MBNL1: variants seen among roughly 807,000 people sequenced by gnomAD.
MBNL1 encodes muscleblind like splicing regulator 1.
MBNL1 carries 8 observed loss-of-function variants against 42.2 expected under a neutral mutation model. The ratio of observed to expected loss-of-function variants is 0.19; its 90% CI spans 0.11 to 0.34. MBNL1 has a LOEUF of 0.34. Among genes scored for constraint, MBNL1 ranks in the 10% least tolerant of loss-of-function variants. The pLI is 1.00. For missense variants in MBNL1, 309 were observed against 495.3 expected (o/e 0.62, Z 3.57); for synonymous variants, 169 against 173.9 (o/e 0.97, Z 0.22).
In MBNL1 at chr3:152,444,562, G is replaced by C. The variant is rs572261609; in HGVS notation, c.550-720G>C. 2.0e-5 allele frequency among the ~76,000 whole-genome samples: 3 copies of C among 152,276 alleles called. No homozygotes were observed. The East Asian group carries it at 5.8e-4, about 29-fold the overall frequency. Reference sequence around the variant, plus strand: ...TGCAAAAATGGACCCAAGAGTTTCTGTCTACGCTTTACTGATCTAAATATT... The same window carrying C: ...TGCAAAAATGGACCCAAGAGTTTCTCTCTACGCTTTACTGATCTAAATATT... On this transcript the variant is annotated intron_variant, in intron 4 of 9. Transcript: ENST00000324210.
At chr3:152,244,892 C>T (rs1342513645) in intron 2 of MBNL1, among the ~76,000 whole-genome samples, 1 of 151,584 alleles carries the variant, frequency 6.6e-6, no homozygotes, top group Non-Finnish European at 1.5e-5. Context: ...TTTGTTTTTA[C>T]CCACCGTGAA....
intron 2 of MBNL1, among the ~76,000 whole-genome samples, chr3:152,248,479 C>T (rs1173560132): frequency 6.6e-6 from 1 of 151,852 alleles, no homozygotes; most frequent in Non-Finnish European, 1.5e-5. Flanking sequence ...AATGTGCTCT[C>T]ATTTTTTTCT....
At chr3:152,395,805 G>A (rs1420315338) in intron 2 of MBNL1, among the ~76,000 whole-genome samples, 1 of 152,208 alleles carries the variant, frequency 6.6e-6, no homozygotes, top group Non-Finnish European at 1.5e-5. Context: ...ACTGTCTGTT[G>A]CCTAGCGGGA....
intron 2 of MBNL1, among the ~76,000 whole-genome samples, chr3:152,345,675 A>G (rs2094124388): frequency 6.6e-6 from 1 of 152,098 alleles, no homozygotes; most frequent in Admixed American, 6.6e-5. Context: ...GAAACTACTA[A>G]TTTTCACATC....
At chr3:152,267,025 C>G (rs2037369678), upstream of MBNL1, 1 of 152,248 alleles carries the variant, frequency 6.6e-6, no homozygotes, top group Non-Finnish European at 1.5e-5. Flanking sequence ...CCTGTACTAC[C>G]CTACCCTCGC....
At chr3:152,419,970 G>A (rs747264368) in intron 3 of MBNL1, among the ~76,000 whole-genome samples, 4 of 152,274 alleles carry the variant, frequency 2.6e-5, no homozygotes, top group East Asian at 3.9e-4. Context: ...TTCCCCTCAC[G>A]ATGTAAACCA....
chr3:152,414,824 A>G lies in MBNL1; in HGVS notation c.175-117A>G, dbSNP rs927866276. The G allele has an allele frequency of 4.2e-5, 38 of 906,808 alleles. 1 individual carries two copies. The highest frequency in any genetic ancestry group is 6.1e-5 in the Non-Finnish European group (35 of 569,258). 56.2% of individuals were successfully genotyped at this position (906,808 alleles called of 1,614,324 possible). ...AATGTATGATCAAATGATATGGACAATGCATTGTGTGAAAAACCAATGATA... is the reference window on the plus strand; with the variant it reads ...AATGTATGATCAAATGATATGGACAGTGCATTGTGTGAAAAACCAATGATA... On this transcript the variant is annotated intron_variant, in intron 2 of 9. Transcript: ENST00000324210.
chr3:152,462,007 C>T (rs747721358), intron 9 of MBNL1, among the ~76,000 whole-genome samples: 3 of 151,850 alleles, frequency 2.0e-5, no homozygotes, highest in Non-Finnish European at 4.4e-5. Context: ...ATTTTGTAGA[C>T]CAGACCTTTA....
At chr3:152,390,753 A>G (rs2153471601) in intron 2 of MBNL1, among the ~76,000 whole-genome samples, 1 of 152,270 alleles carries the variant, frequency 6.6e-6, no homozygotes, top group East Asian at 1.9e-4. Context: ...GCTAAGTAGC[A>G]GTAAAACTGT....
intron 2 of MBNL1, among the ~76,000 whole-genome samples, chr3:152,393,935 G>A (rs1358619046): frequency 6.6e-6 from 1 of 152,038 alleles, no homozygotes; most frequent in Non-Finnish European, 1.5e-5. Flanking sequence ...TTTTTTCTGA[G>A]AACTATACTG....
Position 152,445,557 on chromosome 3 carries a change from C to A in MBNL1, c.807+18C>A. On this transcript the variant is annotated intron_variant, in intron 5 of 9. Transcript: ENST00000324210. Reference sequence around the variant, plus strand: ...CTGCCATGGTGAGTAGAGATATCAGCTCTCTCCTTGTTAGCAGTCAGAAAA... The same window carrying A: ...CTGCCATGGTGAGTAGAGATATCAGATCTCTCCTTGTTAGCAGTCAGAAAA... 1 of 1,595,988 alleles carries A rather than the reference C, an allele frequency of 6.3e-7. No homozygotes were observed. Among genetic ancestry groups the A allele is most frequent in the Non-Finnish European group, 8.5e-7 (1 of 1,169,746 alleles).
At chr3:152,269,944 G>A (rs1431697087) in intron 1 of MBNL1, among the ~76,000 whole-genome samples, 2 of 141,698 alleles carry the variant, frequency 1.4e-5, no homozygotes, top group East Asian at 2.1e-4. Context: ...AACGGAGCCG[G>A]AATCTGTTAT....
intron 4 of MBNL1, among the ~76,000 whole-genome samples, chr3:152,435,929 C>A (rs1396283153): frequency 6.6e-6 from 1 of 152,070 alleles, no homozygotes; most frequent in East Asian, 1.9e-4. Context: ...TTTATCAGAT[C>A]AGGGAGCTTT....
chr3:152,445,563 C>G (rs377499739), intron 5 of MBNL1, 24 bp downstream of exon 5: 116 of 1,580,340 alleles, frequency 7.3e-5, no homozygotes, highest in Middle Eastern at 1.7e-4. Context: ...TCAGCTCTCT[C>G]CTTGTTAGCA....
intron 2 of MBNL1, among the ~76,000 whole-genome samples, chr3:152,247,384 A>C (rs2033322149): frequency 6.6e-6 from 1 of 152,030 alleles, no homozygotes; most frequent in East Asian, 1.9e-4. Flanking sequence ...TATGATTGCA[A>C]AAATATGAGC....
At chr3:152,443,184 C>T (rs944963829) in intron 4 of MBNL1, among the ~76,000 whole-genome samples, 7 of 142,360 alleles carry the variant, frequency 4.9e-5, no homozygotes, top group Non-Finnish European at 9.2e-5. Flanking sequence ...GTAGAAACCC[C>T]CCCCCCCACA....
At chr3:152,401,687 A>G (rs776497295) in intron 2 of MBNL1, among the ~76,000 whole-genome samples, 12 of 152,116 alleles carry the variant, frequency 7.9e-5, no homozygotes, top group African/African-American at 2.2e-4. Flanking sequence ...GCACTAAACT[A>G]TACTATAGTC....
chr3:152,360,884 G>A (rs954677718), intron 2 of MBNL1, among the ~76,000 whole-genome samples: 7 of 151,886 alleles, frequency 4.6e-5, no homozygotes, highest in South Asian at 2.1e-4. Flanking sequence ...TAGATTTTGC[G>A]ATTCTTAGAT....
intron 2 of MBNL1, among the ~76,000 whole-genome samples, chr3:152,341,776 T>C (rs909389736): frequency 3.9e-5 from 6 of 152,106 alleles, no homozygotes; most frequent in African/African-American, 1.2e-4. Flanking sequence ...AAAAATAAAG[T>C]GTGTACAGAG....
Sources: allele counts gnomAD v4.1 joint callset (sites outside exome capture counted in the v4.1 genomes callset), GRCh38; gene constraint gnomAD v4.1.1; transcripts MANE v1.5; gene names NCBI Gene and HGNC (gene_info 2026-07-23, HGNC 2026-07-21).